STXBP5: variants seen among roughly 807,000 people sequenced by gnomAD.
STXBP5 encodes the protein syntaxin binding protein 5.
STXBP5 carries 50 observed loss-of-function variants against 152.4 expected under a neutral mutation model. The observed-to-expected ratio is 0.33, with a 90% CI of 0.26 to 0.42. The LOEUF is 0.42. Among genes scored for constraint, STXBP5 ranks in the 10% least tolerant of loss-of-function variants. The pLI, the probability that STXBP5 is intolerant of heterozygous loss-of-function variation, is 1.00. For missense variants in STXBP5, 1,167 were observed against 1,388.6 expected (o/e 0.84, Z 2.54); for synonymous variants, 492 against 494.7 (o/e 0.99, Z 0.07).
chr6:147,316,668 A>G (rs1005516547), intron 16 of STXBP5, among the ~76,000 whole-genome samples: 2 of 152,188 alleles, frequency 1.3e-5, no homozygotes, highest in East Asian at 3.8e-4. Flanking sequence ...TCTAACCTGT[A>G]TATATCGCTC....
At chr6:147,291,962 T>G (rs1781296526) in intron 9 of STXBP5, among the ~76,000 whole-genome samples, 1 of 151,898 alleles carries the variant, frequency 6.6e-6, no homozygotes, top group Non-Finnish European at 1.5e-5. Context: ...TGAGAACTTG[T>G]TTGAAATGCA....
chr6:147,386,407 T>G lies in STXBP5; in HGVS notation c.*1652T>G, dbSNP rs1786341199. The G allele has an allele frequency of 6.6e-6, 1 of 151,794 alleles. No homozygotes were observed. The highest frequency in any genetic ancestry group is 2.4e-5 in the African/African-American group (1 of 41,372). The allele number at this position is 151,794 out of a possible 1,614,324, so 9.4% of individuals were successfully genotyped here. A position where few individuals can be genotyped will look rare whatever the true frequency, so the allele number is the denominator to read the frequency against. On this transcript the variant is annotated 3_prime_UTR_variant, in exon 28 of 28. Transcript: ENST00000321680. ...GTCTGTTATGCATATTTTCCTCTAC[T>G]TTTCATTAATAAAGCTTTTATGTTT...
chr6:147,278,241 A>G, intron 8 of STXBP5, 37 bp downstream of exon 8: 1 of 1,522,744 alleles, frequency 6.6e-7, no homozygotes, highest in Non-Finnish European at 8.9e-7. Flanking sequence ...ACCTAATTGT[A>G]ACGTACAGTA....
intron 16 of STXBP5, among the ~76,000 whole-genome samples, chr6:147,318,221 T>C (rs1377835385): frequency 4.6e-5 from 7 of 152,172 alleles, no homozygotes; most frequent in Non-Finnish European, 5.9e-5. Context: ...GAAATAGTAC[T>C]GACAGGAGAA....
chr6:147,250,418 A>T (rs1266377766), intron 4 of STXBP5, among the ~76,000 whole-genome samples: 1 of 152,216 alleles, frequency 6.6e-6, no homozygotes, highest in Non-Finnish European at 1.5e-5. Context: ...ATACAAAAAA[A>T]AATAGTATAT....
chr6:147,383,555 C>A (rs1786198970), intron 27 of STXBP5, among the ~76,000 whole-genome samples: 1 of 151,972 alleles, frequency 6.6e-6, no homozygotes, highest in South Asian at 2.1e-4. Context: ...CCCCCTTACA[C>A]CACATCGTGC....
chr6:147,267,546 T>A (rs1779952617), intron 7 of STXBP5, among the ~76,000 whole-genome samples: 1 of 152,148 alleles, frequency 6.6e-6, no homozygotes, highest in Admixed American at 6.6e-5. Flanking sequence ...GACAGATAAG[T>A]CTTTTCTCTC....
chr6:147,353,274 T>C, intron 21 of STXBP5, 49 bp from the exon 22 acceptor site: 1 of 1,234,864 alleles, frequency 8.1e-7, no homozygotes. Context: ...TTGATATTAG[T>C]ATGAATCAAA....
chr6:147,373,950 A>G, intron 26 of STXBP5, 108 bp downstream of exon 26: 1 of 626,868 alleles, frequency 1.6e-6, no homozygotes, highest in Non-Finnish European at 2.7e-6. Context: ...TCTTTGTCAC[A>G]ATTACTATTT....
chr6:147,359,099 C>T lies in STXBP5; in HGVS notation c.2321C>T (p.Ser774Phe). 6.2e-7 allele frequency: 1 copy of T among 1,613,864 alleles called. No individual in the cohort carries two copies. Among genetic ancestry groups the T allele is most frequent in the Non-Finnish European group, 8.5e-7 (1 of 1,179,858 alleles). ...ACCATTTCAGATGTAAAGGATAACT[C>T]CTTTAGCCGATCACGGAGTTCAAGT... is the stretch of plus-strand genomic sequence containing the variant. ...LKPDLDVKDN[S>F]FSRSRSSSVT... The change falls in exon 23 of 28, where the codon TCC becomes TTC. Residue 774 changes from serine to phenylalanine, a missense_variant. Around this residue, in one of 3 missense-constraint regions of STXBP5, gnomAD observed 833 missense variants for 986.3 expected, o/e 0.84. Coordinates refer to ENST00000321680, the MANE Select transcript of STXBP5 (RefSeq NM_001127715.4).
Position 147,254,056 on chromosome 6 carries a change from A to G in STXBP5, c.432-6559A>G, listed in dbSNP as rs183450714. On this transcript the variant is annotated intron_variant, in intron 4 of 27. Coordinates refer to ENST00000321680, the MANE Select transcript of STXBP5 (RefSeq NM_001127715.4). ...ACTTCAAACTATTCTACAAGGCTAG[A>G]ATAGAACCAAAATAGCATGGTACTG... Among the ~76,000 whole-genome samples, 149 of 152,344 alleles carry G rather than the reference A, an allele frequency of 9.8e-4. 1 individual carries two copies. Among genetic ancestry groups the G allele is most frequent in the Admixed American group, 8.8e-3 (135 of 15,300 alleles).
At chr6:147,240,413 T>A (rs1241341747) in intron 4 of STXBP5, among the ~76,000 whole-genome samples, 1 of 152,178 alleles carries the variant, frequency 6.6e-6, no homozygotes, top group Non-Finnish European at 1.5e-5. Flanking sequence ...TATATAATAT[T>A]TATGTAGTTA....
At chr6:147,289,370 G>A (rs1781161097) in intron 8 of STXBP5, among the ~76,000 whole-genome samples, 1 of 152,100 alleles carries the variant, frequency 6.6e-6, no homozygotes, top group Admixed American at 6.6e-5. Context: ...TTCAAGAAAA[G>A]CTGTTGAGAT....
At chr6:147,230,935 A>G (rs1436087945) in intron 2 of STXBP5, among the ~76,000 whole-genome samples, 1 of 151,788 alleles carries the variant, frequency 6.6e-6, no homozygotes, top group Non-Finnish European at 1.5e-5. Context: ...AGCTTCCGTG[A>G]TGATGCTGGT....
At chr6:147,350,615 T>C (rs1279195968) in intron 21 of STXBP5, among the ~76,000 whole-genome samples, 1 of 152,184 alleles carries the variant, frequency 6.6e-6, no homozygotes, top group Non-Finnish European at 1.5e-5. Flanking sequence ...TTCTATACTT[T>C]TGTGCTAAAT....
chr6:147,228,321 C>G (rs180892646), intron 2 of STXBP5, among the ~76,000 whole-genome samples: 1 of 152,080 alleles, frequency 6.6e-6, no homozygotes, highest in Admixed American at 6.6e-5. Flanking sequence ...CTTTATAACT[C>G]TGGGGACATT....
chr6:147,356,720 T>C (rs1254591446), intron 22 of STXBP5, among the ~76,000 whole-genome samples: 5 of 152,180 alleles, frequency 3.3e-5, no homozygotes, highest in Non-Finnish European at 7.4e-5. Flanking sequence ...TTTTAATCTA[T>C]GAATCTAAAT....
At chr6:147,350,057 A>G (rs1192762335) in intron 21 of STXBP5, among the ~76,000 whole-genome samples, 2 of 152,142 alleles carry the variant, frequency 1.3e-5, no homozygotes, top group African/African-American at 4.8e-5. Context: ...TAATAAATTG[A>G]CTATATTAAA....
chr6:147,210,049 G>C (rs898852226), intron 2 of STXBP5, among the ~76,000 whole-genome samples: 2 of 152,142 alleles, frequency 1.3e-5, no homozygotes, highest in African/African-American at 4.8e-5. Context: ...ATGATTAGTG[G>C]AGTAGTGGTA....
Sources: gnomAD v4.1 joint callset for allele counts (sites outside exome capture counted in the v4.1 genomes callset) on GRCh38, gnomAD v4.1.1 for gene constraint, gnomAD v4.1.1 regional missense constraint, MANE v1.5 for transcripts, NCBI Gene and HGNC (gene_info 2026-07-23, HGNC 2026-07-21) for gene names.